OSER1: variants seen among roughly 807,000 people sequenced by gnomAD.
OSER1 encodes oxidative stress-responsive serine-rich protein 1.
OSER1 carries 15 observed loss-of-function variants against 26.3 expected under a neutral mutation model. That is an observed-to-expected ratio of 0.57 (90% CI 0.38 to 0.88). The LOEUF is 0.88. OSER1 is among the 40% of genes least tolerant of loss of function. The probability of loss-of-function intolerance (pLI) is 0.00; values close to 1 mark genes in which losing one functional copy is unlikely to be tolerated. For synonymous variants in OSER1, 127 were observed against 128.2 expected (o/e 0.99, Z 0.07); for missense variants, 313 against 353.9 (o/e 0.88, Z 0.93).
At chr20:44,205,833 G>A (rs1032802568) in intron 2 of OSER1, among the ~76,000 whole-genome samples, 4 of 151,760 alleles carry the variant, frequency 2.6e-5, no homozygotes, top group Admixed American at 1.3e-4. Flanking sequence ...CCAGCTACTC[G>A]GGAGGCTGAG....
At position 44,209,434 on chromosome 20, in the gene OSER1, C is replaced by T. The variant is rs561823311; in HGVS notation, c.-42+1262G>A. On this transcript the variant is annotated intron_variant, in intron 1 of 3. Transcript: ENST00000255174. The stretch of plus-strand genomic sequence containing the variant: ...GGCTCATTATGCTCCTCTGCATCCC[C>T]AGATCCCCATTCAAAGAAAGGGCTG... Among the ~76,000 whole-genome samples the T allele has an allele frequency of 4.6e-5, 7 of 152,328 alleles. No homozygotes were observed. The East Asian group carries it at 1.4e-3, about 29-fold the overall frequency.
At chr20:44,208,243 C>T (rs2073058765) in intron 1 of OSER1, among the ~76,000 whole-genome samples, 1 of 150,856 alleles carries the variant, frequency 6.6e-6, no homozygotes, top group Non-Finnish European at 1.5e-5. Flanking sequence ...CTCTAATATT[C>T]CAAAGGTCAA....
At position 44,197,323 on chromosome 20, in the gene OSER1, T is replaced by G. The variant is rs778279375; in HGVS notation, c.608A>C (p.Glu203Ala). The stretch of plus-strand genomic sequence containing the variant: ...ATCATGCCATCTCTTACACTGGCAT[T>G]CCTTGCCTATGCATGTGCATGGCTT... ...QGKPCTCIGK[E>A]CQCKRWHDME... Residue 203 changes from glutamate to alanine, a missense_variant, in exon 4 of 4, where the codon GAA becomes GCA. This residue lies in a region of OSER1 where 300 missense variants were observed against 318.3 expected (regional missense o/e 0.94). Transcript: ENST00000255174. 1.2e-6 allele frequency: 2 copies of G among 1,614,084 alleles called. No individual in the cohort carries two copies. Among genetic ancestry groups the G allele is most frequent in the African/African-American group, 2.7e-5 (2 of 74,944 alleles).
chr20:44,200,889 G>A (rs1041470500), intron 3 of OSER1, among the ~76,000 whole-genome samples: 2 of 152,166 alleles, frequency 1.3e-5, no homozygotes, highest in Admixed American at 6.5e-5. Context: ...CCAATGTAAC[G>A]AAACCAGAAG....
chr20:44,196,609 G>A lies in OSER1; in HGVS notation c.*443C>T, dbSNP rs774585929. 6.8e-5 allele frequency: 11 copies of A among 161,134 alleles called. No homozygotes were observed. Among genetic ancestry groups the A allele is most frequent in the African/African-American group, 2.2e-4 (9 of 41,506 alleles). 10.0% of individuals were successfully genotyped at this position (161,134 alleles called of 1,614,324 possible). ...ATATATCTTGCATTAAATCAGAGAC[G>A]GTTTAAATCAGTCTTGTAACTTCTA... On this transcript the variant is annotated 3_prime_UTR_variant, in exon 4 of 4. Transcript: ENST00000255174.
intron 2 of OSER1, among the ~76,000 whole-genome samples, chr20:44,203,731 C>CACACA (rs71195528): frequency 2.7e-5 from 4 of 149,868 alleles, no homozygotes; most frequent in South Asian, 2.1e-4. Flanking sequence ...CACACACACA[C>CACACA]CCCTCCTACT....
chr20:44,203,696 AC>A (rs1569240136), intron 2 of OSER1, among the ~76,000 whole-genome samples: 1,735 of 118,330 alleles, frequency 0.015, 45 homozygotes, highest in African/African-American at 0.045. Context: ...GACTTTTTTC[AC>A]ACACACACAC....
rs2072925121 is a variant in OSER1, at chr20:44,196,980, A to G, written c.*72T>C. 1 of 1,090,888 alleles carries G rather than the reference A, an allele frequency of 9.2e-7. No homozygotes were observed. Among genetic ancestry groups the G allele is most frequent in the East Asian group, 2.4e-5 (1 of 41,952 alleles). The allele number at this position is 1,090,888 out of a possible 1,614,324, so 67.6% of individuals were successfully genotyped here. A position where few individuals can be genotyped will look rare whatever the true frequency, so the allele number is the denominator to read the frequency against. ...ATGTCTTCTCACACAAAGTGGCCAC[A>G]AGGTCTGCCATTAACTAAATCTCTT... is the stretch of plus-strand genomic sequence containing the variant. On this transcript the variant is annotated 3_prime_UTR_variant, in exon 4 of 4. Transcript: ENST00000255174.
intron 2 of OSER1, among the ~76,000 whole-genome samples, chr20:44,206,613 TGG>T: frequency 6.6e-6 from 1 of 152,104 alleles, no homozygotes; most frequent in Non-Finnish European, 1.5e-5. Context: ...TAAAAAGAAG[TGG>T]GGGGGAAGCC....
At chr20:44,209,717 G>GT (rs2073078484) in intron 1 of OSER1, among the ~76,000 whole-genome samples, 1 of 152,102 alleles carries the variant, frequency 6.6e-6, no homozygotes, top group Non-Finnish European at 1.5e-5. Flanking sequence ...CAAATTCCTG[G>GT]TTTTTTCTTT....
At chr20:44,203,752 TG>T (rs1441626363) in intron 2 of OSER1, among the ~76,000 whole-genome samples, 2 of 150,666 alleles carry the variant, frequency 1.3e-5, no homozygotes, top group Non-Finnish European at 3.0e-5. Context: ...ATACATGCTA[TG>T]GTGTTGACAA....
At chr20:44,210,882 A>C (rs2073099823), upstream of OSER1, 1 of 151,672 alleles carries the variant, frequency 6.6e-6, no homozygotes, top group South Asian at 2.1e-4. Flanking sequence ...CACCCCAGTG[A>C]CTCGGCAGCG....
At chr20:44,199,192 G>A (rs1434105067) in intron 3 of OSER1, among the ~76,000 whole-genome samples, 2 of 152,184 alleles carry the variant, frequency 1.3e-5, no homozygotes, top group Admixed American at 6.5e-5. Flanking sequence ...ACTTGGTCCC[G>A]AATGCATCAG....
Position 44,197,456 on chromosome 20 carries a change from A to C in OSER1, c.475T>G (p.Ser159Ala). 2 of 1,614,022 alleles carry C rather than the reference A, an allele frequency of 1.2e-6. No homozygotes were observed. The highest frequency in any genetic ancestry group is 8.5e-7 in the Non-Finnish European group (1 of 1,179,992). ...PLRTSVPRLPSESKKEDSSDA... is the reference protein window; with the variant it reads ...PLRTSVPRLPAESKKEDSSDA... ...GAGGAGTCTTCCTTCTTACTCTCTG[A>C]TGGGAGCCTTGGAACAGAAGTTCTC... The change falls in exon 4 of 4, where the codon TCA becomes GCA. Residue 159 changes from serine (S) to alanine (A), a missense_variant. By Grantham distance (99) the Ser-to-Ala change is moderately conservative. Coordinates refer to ENST00000255174, the MANE Select transcript of OSER1 (RefSeq NM_016470.8).
chr20:44,206,647 A>G (rs975714078), intron 2 of OSER1, among the ~76,000 whole-genome samples: 2 of 152,252 alleles, frequency 1.3e-5, no homozygotes, highest in African/African-American at 4.8e-5. Flanking sequence ...GAACGAAACC[A>G]AAACACCCAA....
At position 44,196,609 on chromosome 20, in the gene OSER1, G is replaced by C. The variant is rs774585929; in HGVS notation, c.*443C>G. 6.2e-6 allele frequency: 1 copy of C among 161,134 alleles called. No individual in the cohort carries two copies. The highest frequency in any genetic ancestry group is 1.4e-5 in the Non-Finnish European group (1 of 72,808). 10.0% of individuals were successfully genotyped at this position (161,134 alleles called of 1,614,324 possible). A position where few individuals can be genotyped will look rare whatever the true frequency, so the allele number is the denominator to read the frequency against. On this transcript the variant is annotated 3_prime_UTR_variant, in exon 4 of 4. Transcript: ENST00000255174. ...ATATATCTTGCATTAAATCAGAGAC[G>C]GTTTAAATCAGTCTTGTAACTTCTA...
Position 44,197,555 on chromosome 20 carries a change from G to A in OSER1, c.376C>T (p.Pro126Ser). ...DGSSGLGISS[P>S]KEFSAGESST... is the part of the protein sequence containing the mutation. ...CTTTCTCCTGCACTGAACTCTTTAG[G>A]GGATGAAATTCCCAGCCCACTGCTG... The change falls in exon 4 of 4, where the codon CCT becomes TCT. Residue 126 changes from proline to serine, a missense_variant. Coordinates refer to ENST00000255174, the MANE Select transcript of OSER1 (RefSeq NM_016470.8). The A allele has an allele frequency of 1.9e-6, 3 of 1,614,064 alleles. No homozygotes were observed. The African/African-American group carries it at 4.0e-5, about 22-fold the overall frequency.
At position 44,206,965 on chromosome 20, in the gene OSER1, G is replaced by A. The variant is rs377611248; in HGVS notation, c.-8C>T. 317 of 1,599,160 alleles carry A rather than the reference G, an allele frequency of 2.0e-4. 6 individuals carry two copies. In the Middle Eastern group the frequency reaches 4.6e-3, roughly 23 times the overall value. On this transcript the variant is annotated 5_prime_UTR_variant, in exon 2 of 4. Coordinates refer to ENST00000255174, the MANE Select transcript of OSER1 (RefSeq NM_016470.8). ...CTTGGCTTCGGATTTCATTGTGCAA[G>A]TTTTTACACTACTTATCGATGTTCC...
rs550949971 is a variant in OSER1 at position 44,197,465 on chromosome 20, T to G, written c.466A>C (p.Arg156=). 67 of 1,614,200 alleles carry G rather than the reference T, an allele frequency of 4.2e-5. No homozygotes were observed. The South Asian group carries it at 7.0e-4, about 17-fold the overall frequency. ...TCCTTCTTACTCTCTGATGGGAGCC[T>G]TGGAACAGAAGTTCTCAAAGGCTCA... ...VVEPLRTSVP[R]LPSESKKEDS... is the part of the protein sequence containing the mutation. Residue 156 remains arginine, a synonymous_variant, in exon 4 of 4, where the codon AGG becomes CGG. Coordinates refer to ENST00000255174, the MANE Select transcript of OSER1 (RefSeq NM_016470.8).
Sources: gnomAD v4.1 joint callset for allele counts (sites outside exome capture counted in the v4.1 genomes callset) on GRCh38, gnomAD v4.1.1 for gene constraint, gnomAD v4.1.1 regional missense constraint, MANE v1.5 for transcripts, NCBI Gene and HGNC (gene_info 2026-07-23, HGNC 2026-07-21) for gene names.